FGG: variants seen among roughly 807,000 people sequenced by gnomAD.
The protein encoded by FGG is fibrinogen gamma chain.
Under a neutral mutation model 51.7 loss-of-function variants are expected in FGG, and 20 were observed. The observed-to-expected ratio is 0.39, with a 90% CI of 0.27 to 0.56. The LOEUF is 0.56. Among genes scored for constraint, FGG ranks in the 20% least tolerant of loss-of-function variants. FGG has a pLI of 0.64. For synonymous variants in FGG, 184 were observed against 184.7 expected (o/e 1.00, Z 0.03); for missense variants, 460 against 534.2 (o/e 0.86, Z 1.37).
intron 1 of FGG, 26 bp from the exon 2 acceptor site, chr4:154,612,461 T>C: frequency 6.2e-7 from 1 of 1,613,784 alleles, no homozygotes; most frequent in Non-Finnish European, 8.5e-7. Flanking sequence ...TACAGAAATT[T>C]CACTAGTTTA....
chr4:154,610,194 A>G lies in FGG; in HGVS notation c.405T>C (p.Tyr135=), dbSNP rs769626247. 1.9e-6 allele frequency: 3 copies of G among 1,565,734 alleles called. No homozygotes were observed. The East Asian group carries it at 6.7e-5, about 35-fold the overall frequency. The part of the protein sequence containing the change: ...SILTHDSSIR[Y]LQEIYNSNNQ... ...TATTTGAATTATATATTTCCTGCAA[A>G]TATCTACAAACAGAAACATAAGATA... The change falls in exon 5 of 9, where the codon TAT becomes TAC. Residue 135 remains tyrosine (Y), a synonymous_variant. Coordinates refer to ENST00000336098, the MANE Select transcript of FGG (RefSeq NM_021870.3).
chr4:154,612,400 A>T lies in FGG; in HGVS notation c.114T>A (p.Asp38Glu). 6.2e-7 allele frequency: 1 copy of T among 1,613,588 alleles called. No homozygotes were observed. The highest frequency in any genetic ancestry group is 1.1e-5 in the South Asian group (1 of 91,064). The change falls in exon 2 of 9, where the codon GAT (aspartate) becomes GAA (glutamate). Residue 38 changes from aspartate (D) to glutamate (E), a missense_variant. Asp to Glu is a conservative substitution (Grantham distance 45, BLOSUM62 2). Coordinates refer to ENST00000336098, the MANE Select transcript of FGG (RefSeq NM_021870.3). ...VATRDNCCIL[D>E]ERFGSYCPTT... The stretch of plus-strand genomic sequence containing the variant: ...CATAAAAACTACTTACGAATCTTTC[A>T]TCTAAGATGCAGCAGTTGTCTCTGG...
chr4:154,604,869 C>T lies in FGG; in HGVS notation c.1327G>A (p.Glu443Lys), dbSNP rs750796417. Reference sequence around the variant, plus strand: ...TCCTCAGGGTAAAGTGAGTCATATTCTGTTTCCGCAGGGTGCTCTGGTCTG... The same window carrying T: ...TCCTCAGGGTAAAGTGAGTCATATTTTGTTTCCGCAGGGTGCTCTGGTCTG... ...QVRPEHPAETEYDSLYPEDDL is the reference protein window; with the variant it reads ...QVRPEHPAETKYDSLYPEDDL The change falls in exon 9 of 9, where the codon GAA becomes AAA. Residue 443 changes from glutamate to lysine, a missense_variant. Physicochemically the swap from Glu to Lys is moderately conservative, Grantham distance 56. This residue lies in a region of FGG where 92 missense variants were observed against 93.7 expected (regional missense o/e 0.98). Transcript: ENST00000336098. The T allele has an allele frequency of 6.2e-7, 1 of 1,614,050 alleles. No individual in the cohort carries two copies. The highest frequency in any genetic ancestry group is 1.1e-5 in the South Asian group (1 of 91,080).
chr4:154,610,428 G>T (rs1423309447), intron 4 of FGG, among the ~76,000 whole-genome samples: 1 of 152,090 alleles, frequency 6.6e-6, no homozygotes, highest in East Asian at 1.9e-4. Context: ...AATTAAAACA[G>T]GAATACAATG....
rs764126419 is a variant in FGG at position 154,608,549 on chromosome 4, A to G, written c.768T>C (p.Asn256=). ...GTGTGCTTATCAAATGAATCTTCTC[A>G]TTTCCCAGCCAAAATTCTGTTGTGC... is the stretch of plus-strand genomic sequence containing the variant. ...PTGTTEFWLG[N]EKIHLISTQS... Residue 256 remains asparagine (N), a synonymous_variant, in exon 7 of 9, where the codon AAT becomes AAC. Transcript: ENST00000336098. 111 of 1,613,734 alleles carry G rather than the reference A, an allele frequency of 6.9e-5. No individual in the cohort carries two copies. The Admixed American group carries it at 9.0e-4, about 13-fold the overall frequency.
chr4:154,608,765 A>G, intron 6 of FGG, 115 bp from the exon 7 acceptor site: 3 of 979,608 alleles, frequency 3.1e-6, no homozygotes, highest in Non-Finnish European at 4.7e-6. Context: ...ACTCCCAACT[A>G]AGTGATCTTG....
intron 4 of FGG, among the ~76,000 whole-genome samples, chr4:154,611,072 G>C (rs1731202685): frequency 6.6e-6 from 1 of 152,014 alleles, no homozygotes; most frequent in South Asian, 2.1e-4. Context: ...ATAATAACAA[G>C]GGCCCTCTGA....
chr4:154,610,672 C>T (rs748682130), intron 4 of FGG, among the ~76,000 whole-genome samples: 1 of 152,138 alleles, frequency 6.6e-6, no homozygotes, highest in South Asian at 2.1e-4. Context: ...AGGAGTATAC[C>T]TTTCACTTGT....
intron 6 of FGG, among the ~76,000 whole-genome samples, chr4:154,609,287 CCTT>C (rs1004832031): frequency 1.3e-5 from 2 of 152,058 alleles, no homozygotes; most frequent in South Asian, 4.2e-4. Flanking sequence ...AAAAGAGTTT[CCTT>C]CTTTTTATTT....
At chr4:154,610,409 C>A (rs961450728) in intron 4 of FGG, among the ~76,000 whole-genome samples, 6 of 152,004 alleles carry the variant, frequency 3.9e-5, no homozygotes, top group Non-Finnish European at 5.9e-5. Context: ...AAAAACAAAT[C>A]AAAAAATCAA....
intron 7 of FGG, 143 bp downstream of exon 7, chr4:154,608,323 A>T: frequency 1.2e-6 from 1 of 823,094 alleles, no homozygotes; most frequent in Non-Finnish European, 2.0e-6. Flanking sequence ...CCCAAGAACC[A>T]AACAGACTCC....
chr4:154,607,032 T>C (rs749617096), intron 7 of FGG, 50 bp from the exon 8 acceptor site: 1 of 1,507,508 alleles, frequency 6.6e-7, no homozygotes, highest in Non-Finnish European at 8.9e-7. Flanking sequence ...CTCAGGGATC[T>C]CAGAAGTTCC....
At chr4:154,607,786 T>A (rs1014440355) in intron 7 of FGG, among the ~76,000 whole-genome samples, 1 of 152,186 alleles carries the variant, frequency 6.6e-6, no homozygotes, top group Non-Finnish European at 1.5e-5. Context: ...AAAAAGTCCA[T>A]GTGTTTGAAG....
chr4:154,609,046 G>A (rs531053253), intron 6 of FGG, among the ~76,000 whole-genome samples: 3 of 152,184 alleles, frequency 2.0e-5, no homozygotes, highest in East Asian at 1.9e-4. Flanking sequence ...CCCTCTGAGC[G>A]CCCCCTGTAG....
Position 154,606,894 on chromosome 4 carries a change from C to T in FGG, c.940G>A (p.Asp314Asn), listed in dbSNP as rs1286469433. The T allele has an allele frequency of 6.2e-7, 1 of 1,613,908 alleles. No individual in the cohort carries two copies. Among genetic ancestry groups the T allele is most frequent in the Admixed American group, 1.7e-5 (1 of 59,992 alleles). The change falls in exon 8 of 9, where the codon GAT becomes AAT. Residue 314 changes from aspartate to asparagine, a missense_variant. Transcript: ENST00000336098. Reference protein sequence around the residue: ...YAYFAGGDAGDAFDGFDFGDD... With the variant: ...YAYFAGGDAGNAFDGFDFGDD... ...CCAAAATCAAAGCCATCAAAGGCAT[C>T]TCCAGCATCCCCACCAGCGAAGTAG...
At position 154,608,638 on chromosome 4, in the gene FGG, T is replaced by C; in HGVS notation, c.679A>G (p.Ser227Gly). 6.2e-7 allele frequency: 1 copy of C among 1,611,760 alleles called. No individual in the cohort carries two copies. The highest frequency in any genetic ancestry group is 8.5e-7 in the Non-Finnish European group (1 of 1,179,698). Reference protein sequence around the residue: ...WTVFQKRLDGSVDFKKNWIQY... With the variant: ...WTVFQKRLDGGVDFKKNWIQY... Reference sequence around the variant, plus strand: ...ATCCAGTTTTTCTTGAAATCTACACTGCCATCAAGTCTCTAATTACACATT... The same window carrying C: ...ATCCAGTTTTTCTTGAAATCTACACCGCCATCAAGTCTCTAATTACACATT... The change falls in exon 7 of 9, where the codon AGT becomes GGT. Residue 227 changes from serine to glycine, a missense_variant. Physicochemically the swap from Ser to Gly is moderately conservative, Grantham distance 56. This residue lies in a region of FGG where 353 missense variants were observed against 391.7 expected (regional missense o/e 0.90). Coordinates refer to ENST00000336098, the MANE Select transcript of FGG (RefSeq NM_021870.3).
chr4:154,609,535 T>G, intron 6 of FGG, 95 bp downstream of exon 6: 1 of 1,445,792 alleles, frequency 6.9e-7, no homozygotes, highest in Non-Finnish European at 9.7e-7. Flanking sequence ...AAGGATTAAA[T>G]GAGCTACGGT....
At position 154,604,416 on chromosome 4, in the gene FGG, G is replaced by T; in HGVS notation, c.*418C>A. On this transcript the variant is annotated 3_prime_UTR_variant, in exon 9 of 9. Transcript: ENST00000336098. The stretch of plus-strand genomic sequence containing the variant: ...AGACATAATTTTCTCCATTTAAAAA[G>T]AAGAATTAAATAGGAATGATTTAGG... 1 of 1,375,728 alleles carries T rather than the reference G, an allele frequency of 7.3e-7. No individual in the cohort carries two copies. The highest frequency in any genetic ancestry group is 9.7e-7 in the Non-Finnish European group (1 of 1,025,732). 85.2% of individuals were successfully genotyped at this position (1,375,728 alleles called of 1,614,324 possible).
chr4:154,607,204 G>A (rs980078197), intron 7 of FGG, among the ~76,000 whole-genome samples: 7 of 152,196 alleles, frequency 4.6e-5, no homozygotes, highest in African/African-American at 9.6e-5. Context: ...AGCCTTTGAA[G>A]CATCTCTGAA....
Sources: gnomAD v4.1 joint callset for allele counts (sites outside exome capture counted in the v4.1 genomes callset) on GRCh38, gnomAD v4.1.1 for gene constraint, gnomAD v4.1.1 regional missense constraint, MANE v1.5 for transcripts, NCBI Gene and HGNC (gene_info 2026-07-23, HGNC 2026-07-21) for gene names.